MALRD1: variants seen among roughly 807,000 people sequenced by gnomAD.
MALRD1 encodes the protein MAM and LDL-receptor class A domain-containing protein 1.
A neutral mutation model predicts 242.1 loss-of-function variants in MALRD1; 247 were observed. That is an observed-to-expected ratio of 1.02 (90% CI 0.92 to 1.13). MALRD1 has a LOEUF of 1.13. Ranked by LOEUF, MALRD1 falls within the 50% of genes most tolerant of loss-of-function variation. The probability of loss-of-function intolerance (pLI) is 0.00; values close to 1 mark genes in which losing one functional copy is unlikely to be tolerated. For synonymous variants in MALRD1, 995 were observed against 866.6 expected, an observed-to-expected ratio of 1.15 and a Z score of -2.60; for missense variants, 2,989 against 2,533.1, an observed-to-expected ratio of 1.18 and a Z score of -3.86.
intron 21 of MALRD1, among the ~76,000 whole-genome samples, chr10:19,311,785 G>A (rs1429245986): frequency 6.6e-6 from 1 of 151,326 alleles, no homozygotes; most frequent in Admixed American, 6.6e-5. Flanking sequence ...TCAAATCAAA[G>A]TTTCCTTTCA....
chr10:19,655,768 A>G (rs990438589), intron 36 of MALRD1, among the ~76,000 whole-genome samples: 11 of 151,934 alleles, frequency 7.2e-5, no homozygotes. Context: ...GCCAATTTCT[A>G]CATATTTCTA....
At chr10:19,729,418 T>A (rs929699254) in intron 38 of MALRD1, among the ~76,000 whole-genome samples, 2 of 152,216 alleles carry the variant, frequency 1.3e-5, no homozygotes, top group Admixed American at 6.5e-5. Context: ...ATACATTGTG[T>A]TATACAATTA....
intron 32 of MALRD1, among the ~76,000 whole-genome samples, chr10:19,545,464 G>A: frequency 6.6e-6 from 1 of 152,102 alleles, no homozygotes; most frequent in Non-Finnish European, 1.5e-5. Context: ...TAGATTTCTA[G>A]GTTGAAAATT....
intron 28 of MALRD1, among the ~76,000 whole-genome samples, chr10:19,446,596 A>G (rs1208995659): frequency 6.6e-6 from 1 of 152,194 alleles, no homozygotes; most frequent in Non-Finnish European, 1.5e-5. Context: ...TGCACAGCCC[A>G]TAAAGGAAAG....
intron 38 of MALRD1, among the ~76,000 whole-genome samples, chr10:19,724,153 T>TA (rs1834905649): frequency 6.6e-6 from 1 of 152,228 alleles, no homozygotes; most frequent in Non-Finnish European, 1.5e-5. Flanking sequence ...GTAACAGTGT[T>TA]ACTCCCATGA....
At chr10:19,175,141 G>A in intron 13 of MALRD1, 67 bp from the exon 14 acceptor site, 1 of 1,145,418 alleles carries the variant, frequency 8.7e-7, no homozygotes, top group Non-Finnish European at 1.1e-6. Context: ...TCTACACAAA[G>A]AAATATGATT....
chr10:19,354,814 A>T (rs1844551616), intron 26 of MALRD1, among the ~76,000 whole-genome samples: 1 of 152,160 alleles, frequency 6.6e-6, no homozygotes, highest in Admixed American at 6.6e-5. Context: ...AATTACCCTG[A>T]TTTGATCATT....
chr10:19,616,390 G>T (rs1264335479), intron 36 of MALRD1, among the ~76,000 whole-genome samples: 1 of 151,910 alleles, frequency 6.6e-6, no homozygotes, highest in Admixed American at 6.6e-5. Context: ...TTAAGGTTTA[G>T]ATAAGAAATA....
chr10:19,685,983 A>G (rs549628315), intron 36 of MALRD1, among the ~76,000 whole-genome samples: 9 of 152,232 alleles, frequency 5.9e-5, no homozygotes, highest in African/African-American at 2.2e-4. Context: ...TCTGTTAGCA[A>G]TGGAGAGTAT....
At chr10:19,573,067 T>C (rs1456596898) in intron 33 of MALRD1, among the ~76,000 whole-genome samples, 1 of 152,142 alleles carries the variant, frequency 6.6e-6, no homozygotes, top group Non-Finnish European at 1.5e-5. Flanking sequence ...TGGGTGCAGA[T>C]GTTCATTACA....
chr10:19,061,938 TA>T (rs1476353124), intron 1 of MALRD1, among the ~76,000 whole-genome samples: 1 of 152,148 alleles, frequency 6.6e-6, no homozygotes, highest in Non-Finnish European at 1.5e-5. Flanking sequence ...TCATTGAAAT[TA>T]AAAACTTCTA....
At chr10:19,370,776 C>G (rs1452512498) in intron 26 of MALRD1, among the ~76,000 whole-genome samples, 1 of 151,912 alleles carries the variant, frequency 6.6e-6, no homozygotes, top group African/African-American at 2.4e-5. Context: ...TCGATTTTGC[C>G]CCATTGGTCT....
Position 19,595,408 on chromosome 10 carries a change from A to G in MALRD1, c.5895A>G (p.Leu1965=). Residue 1965 remains leucine, a synonymous_variant, in exon 34 of 40, where the codon CTA becomes CTG. Coordinates refer to ENST00000454679, the MANE Select transcript of MALRD1 (RefSeq NM_001142308.3). ...STDECIPSLL[L]CDGVPDCHFN... Reference sequence around the variant, plus strand: ...ACGAGTGTATACCTTCCCTCCTGCTATGCGATGGAGTGCCCGACTGCCACT... The same window carrying G: ...ACGAGTGTATACCTTCCCTCCTGCTGTGCGATGGAGTGCCCGACTGCCACT... 4 of 1,550,314 alleles carry G rather than the reference A, an allele frequency of 2.6e-6. No homozygotes were observed. Among genetic ancestry groups the G allele is most frequent in the Admixed American group, 2.0e-5 (1 of 50,982 alleles).
chr10:19,582,166 G>C (rs1837161451), intron 33 of MALRD1, among the ~76,000 whole-genome samples: 1 of 151,990 alleles, frequency 6.6e-6, no homozygotes, highest in Non-Finnish European at 1.5e-5. Flanking sequence ...CTCCCATTCT[G>C]TAGGTTGCCT....
intron 28 of MALRD1, among the ~76,000 whole-genome samples, chr10:19,436,125 T>A (rs2486057): frequency 0.72 from 109,079 of 151,908 alleles, 39,306 homozygotes; most frequent in Non-Finnish European, 0.75. Flanking sequence ...CCCAGGCTCT[T>A]GTAGATTGCA....
intron 28 of MALRD1, among the ~76,000 whole-genome samples, chr10:19,391,282 C>T (rs1338404397): frequency 4.6e-5 from 7 of 152,166 alleles, no homozygotes; most frequent in Non-Finnish European, 8.8e-5. Flanking sequence ...TACTTAGTCA[C>T]GTTGATTGTG....
At chr10:19,717,526 G>T (rs1834447531) in intron 38 of MALRD1, among the ~76,000 whole-genome samples, 1 of 152,098 alleles carries the variant, frequency 6.6e-6, no homozygotes, top group African/African-American at 2.4e-5. Flanking sequence ...CCAGTAAAAA[G>T]TCTGTTATAA....
chr10:19,282,031 G>A (rs1286518331), intron 20 of MALRD1, among the ~76,000 whole-genome samples: 1 of 151,094 alleles, frequency 6.6e-6, no homozygotes, highest in African/African-American at 2.4e-5. Context: ...AATGCTAAGG[G>A]TACAATACAT....
At chr10:19,607,084 A>C (rs143317256) in intron 34 of MALRD1, among the ~76,000 whole-genome samples, 498 of 152,286 alleles carry the variant, frequency 3.3e-3, no homozygotes, top group African/African-American at 0.011. Context: ...ACACTTTTCG[A>C]AACAACCAAA....
Sources: allele counts gnomAD v4.1 joint callset (sites outside exome capture counted in the v4.1 genomes callset), GRCh38; gene constraint gnomAD v4.1.1; transcripts MANE v1.5; gene names NCBI Gene and HGNC (gene_info 2026-07-23, HGNC 2026-07-21).